The following CNGB3 variants were observed in gnomAD, a reference collection of about 807,000 sequenced individuals.
The protein encoded by CNGB3 is cyclic nucleotide-gated channel beta-3.
Under a neutral mutation model 92.8 loss-of-function variants are expected in CNGB3, and 86 were observed. The ratio of observed to expected loss-of-function variants is 0.93; its 90% CI spans 0.78 to 1.11. The LOEUF is 1.11. Ranked by LOEUF, CNGB3 falls within the 50% of genes least tolerant of loss-of-function variation. CNGB3 has a pLI of 0.00. For synonymous variants in CNGB3, 333 were observed against 332.7 expected (o/e 1.00, Z -0.01); for missense variants, 1,026 against 956.8 (o/e 1.07, Z -0.95).
At chr8:86,635,991 A>C (rs1242201060) in intron 10 of CNGB3, among the ~76,000 whole-genome samples, 1 of 151,020 alleles carries the variant, frequency 6.6e-6, no homozygotes, top group Non-Finnish European at 1.5e-5. Context: ...AATTTCCCCC[A>C]ATATATTTTT....
intron 15 of CNGB3, among the ~76,000 whole-genome samples, chr8:86,600,776 ATTTTTTTTTTTTTTTTTTTTT>A (rs533111246): frequency 7.8e-5 from 3 of 38,400 alleles, no homozygotes; most frequent in South Asian, 1.2e-3. Flanking sequence ...CGCTCGGCTA[ATTTTTTTTTTTTTTTTTTTTT>A]TTTTTTTTTT....
chr8:86,610,641 C>T (rs921793268), intron 14 of CNGB3, among the ~76,000 whole-genome samples: 5 of 152,258 alleles, frequency 3.3e-5, no homozygotes, highest in East Asian at 1.9e-4. Context: ...CATCTTTGTT[C>T]GCTTGTGAAC....
At chr8:86,594,394 C>T in intron 15 of CNGB3, 1 of 296,828 alleles carries the variant, frequency 3.4e-6, no homozygotes, top group South Asian at 3.3e-5. Context: ...AGGAAAAGTC[C>T]CCAAACCAGG....
At chr8:86,686,295 A>C (rs920642853) in intron 3 of CNGB3, among the ~76,000 whole-genome samples, 2 of 152,060 alleles carry the variant, frequency 1.3e-5, no homozygotes, top group Admixed American at 1.3e-4. Flanking sequence ...CTCATAAATC[A>C]TATGGGCATG....
chr8:86,589,317 G>T (rs1292490457), intron 15 of CNGB3, among the ~76,000 whole-genome samples: 3 of 150,368 alleles, frequency 2.0e-5, no homozygotes, highest in Admixed American at 6.6e-5. Context: ...TTTTTGAAGG[G>T]TTTTTTGTGT....
At chr8:86,578,624 T>C in intron 17 of CNGB3, 65 bp downstream of exon 17, 1 of 1,473,570 alleles carries the variant, frequency 6.8e-7, no homozygotes, top group Non-Finnish European at 9.5e-7. Flanking sequence ...GAGTGGGCGT[T>C]TGTGTGTATA....
chr8:86,580,194 G>A (rs931862712), intron 15 of CNGB3, among the ~76,000 whole-genome samples: 5 of 150,842 alleles, frequency 3.3e-5, no homozygotes, highest in South Asian at 2.1e-4. Flanking sequence ...ATAGCACGGG[G>A]GGGGTGGCGG....
At chr8:86,723,285 A>C (rs1288702102) in intron 3 of CNGB3, among the ~76,000 whole-genome samples, 1 of 152,112 alleles carries the variant, frequency 6.6e-6, no homozygotes, top group Admixed American at 6.6e-5. Flanking sequence ...ACTTCTTTTA[A>C]ATTTTCCAAA....
intron 13 of CNGB3, among the ~76,000 whole-genome samples, 188 bp downstream of exon 13, chr8:86,625,795 T>C (rs1822834776): frequency 6.6e-6 from 1 of 151,774 alleles, no homozygotes; most frequent in African/African-American, 2.4e-5. Flanking sequence ...AAGAGGGTTC[T>C]AAAGAATAAG....
At chr8:86,674,942 TTGTTGTTG>T (rs1416401803) in intron 3 of CNGB3, among the ~76,000 whole-genome samples, 1 of 34,828 alleles carries the variant, frequency 2.9e-5, no homozygotes, top group Non-Finnish European at 6.5e-5. Context: ...TTCTCTCTTT[TTGTTGTTG>T]TTGTTGTTGT....
At chr8:86,657,205 A>G (rs2131605498) in intron 6 of CNGB3, among the ~76,000 whole-genome samples, 1 of 152,100 alleles carries the variant, frequency 6.6e-6, no homozygotes, top group South Asian at 2.1e-4. Context: ...GAAATTAAGG[A>G]CTCAGCCCTG....
At chr8:86,734,088 T>A (rs369177777) in intron 2 of CNGB3, among the ~76,000 whole-genome samples, 196 of 152,206 alleles carry the variant, frequency 1.3e-3, no homozygotes, top group African/African-American at 4.6e-3. Flanking sequence ...CCCAGGCTGG[T>A]CTCAGGAAAT....
chr8:86,594,058 A>T (rs1051943981), intron 15 of CNGB3: 3 of 348,280 alleles, frequency 8.6e-6, no homozygotes, highest in African/African-American at 6.4e-5. Flanking sequence ...AAGCTAATAC[A>T]TGCCCAGTTT....
chr8:86,682,734 G>A (rs970044386), intron 3 of CNGB3, among the ~76,000 whole-genome samples: 1 of 152,176 alleles, frequency 6.6e-6, no homozygotes. Context: ...GAACGTCCGA[G>A]TCAATAATGC....
chr8:86,636,072 A>C (rs1415553878), intron 10 of CNGB3, among the ~76,000 whole-genome samples: 1 of 151,800 alleles, frequency 6.6e-6, no homozygotes, highest in East Asian at 1.9e-4. Flanking sequence ...CACTGCCTAG[A>C]TTCTACCATT....
At chr8:86,603,225 C>G (rs28505050) in intron 15 of CNGB3, among the ~76,000 whole-genome samples, 1 of 151,964 alleles carries the variant, frequency 6.6e-6, no homozygotes, top group African/African-American at 2.4e-5. Flanking sequence ...TATTTATTAT[C>G]AGTTTTCCCT....
chr8:86,685,230 G>T (rs1412617166), intron 3 of CNGB3, among the ~76,000 whole-genome samples: 1 of 151,948 alleles, frequency 6.6e-6, no homozygotes, highest in African/African-American at 2.4e-5. Flanking sequence ...TAACCTGAGG[G>T]CAGGCTGTTT....
intron 3 of CNGB3, among the ~76,000 whole-genome samples, chr8:86,717,561 CAA>C (rs35692774): frequency 0.23 from 27,630 of 119,380 alleles, 2,577 homozygotes; most frequent in South Asian, 0.31. Flanking sequence ...GACTCTGTCT[CAA>C]AAAAAAAAAA....
intron 3 of CNGB3, chr8:86,703,882 A>G (rs555184330): frequency 2.0e-4 from 30 of 152,144 alleles, no homozygotes; most frequent in African/African-American, 7.2e-4. Flanking sequence ...CAAATTTACT[A>G]TTGTGGACAT....
Sources: allele counts gnomAD v4.1 joint callset (sites outside exome capture counted in the v4.1 genomes callset), GRCh38; gene constraint gnomAD v4.1.1; transcripts MANE v1.5; gene names NCBI Gene and HGNC (gene_info 2026-07-23, HGNC 2026-07-21).